Variants in ADGRV1 observed in about 807,000 individuals in gnomAD.
The protein encoded by ADGRV1 is adhesion G protein-coupled receptor V1, also known as G-protein coupled receptor 98.
ADGRV1 carries 359 observed loss-of-function variants against 596.2 expected under a neutral mutation model. That is an observed-to-expected ratio of 0.60 (90% confidence interval 0.55 to 0.66). The LOEUF (loss-of-function observed/expected upper bound fraction) is 0.66. ADGRV1 is among the 30% of genes least tolerant of loss of function. ADGRV1 has a pLI of 0.00. For synonymous variants in ADGRV1, 2,681 were observed against 2,679.2 expected (o/e 1.00, Z -0.02); for missense variants, 7,274 against 7,575.6 (o/e 0.96, Z 1.48).
chr5:90,575,646 G>C (rs1374312793), intron 1 of ADGRV1, among the ~76,000 whole-genome samples: 1 of 152,132 alleles, frequency 6.6e-6, no homozygotes, highest in African/African-American at 2.4e-5. Flanking sequence ...TCTCCACGAT[G>C]GCTTTGGGGA....
chr5:91,136,312 G>A (rs1794635699), intron 87 of ADGRV1, among the ~76,000 whole-genome samples: 1 of 152,098 alleles, frequency 6.6e-6, no homozygotes, highest in African/African-American at 2.4e-5. Flanking sequence ...GTGCCTTAAG[G>A]AAGGTGGTCA....
chr5:90,709,599 C>G (rs1749071239), intron 39 of ADGRV1, among the ~76,000 whole-genome samples: 1 of 152,188 alleles, frequency 6.6e-6, no homozygotes, highest in African/African-American at 2.4e-5. Context: ...GGAAGAGAAG[C>G]ATGGCCAGGA....
At chr5:91,086,880 C>T (rs1392863189) in intron 86 of ADGRV1, among the ~76,000 whole-genome samples, 1 of 152,194 alleles carries the variant, frequency 6.6e-6, no homozygotes, top group Non-Finnish European at 1.5e-5. Flanking sequence ...TAAAATGGCA[C>T]TCCATTTTTC....
rs1667400490 is a variant in ADGRV1 at position 90,627,442 on chromosome 5, T to C, written c.904T>C (p.Ser302Pro). ...NLIGSDEYEV[S>P]ISYAVTTGNS... ...GATTGGATCTGATGAATATGAGGTT[T>C]CAATCAGTTATGCTGTCACAACTGG... The change falls in exon 7 of 90, where the codon TCA (serine) becomes CCA (proline). Residue 302 changes from serine to proline, a missense_variant. Ser to Pro is a moderately conservative substitution (Grantham distance 74). This residue lies in a region of ADGRV1 where 1,715 missense variants were observed against 1,708.8 expected (regional missense o/e 1.00). Transcript: ENST00000405460. 6.2e-7 allele frequency: 1 copy of C among 1,613,942 alleles called. No homozygotes were observed. Among genetic ancestry groups the C allele is most frequent in the Non-Finnish European group, 8.5e-7 (1 of 1,179,830 alleles).
At chr5:90,717,398 A>G (rs945923079) in intron 43 of ADGRV1, 3 of 151,584 alleles carry the variant, frequency 2.0e-5, no homozygotes. Flanking sequence ...TAATAAAAAA[A>G]AAAGCAATTT....
At chr5:91,022,320 C>T (rs16869348) in intron 85 of ADGRV1, among the ~76,000 whole-genome samples, 2,228 of 151,990 alleles carry the variant, frequency 0.015, 49 homozygotes, top group African/African-American at 0.049. Context: ...GTGCTAAATC[C>T]GGACTTAGGC....
intron 55 of ADGRV1, among the ~76,000 whole-genome samples, chr5:90,755,891 G>A (rs1011494895): frequency 6.7e-6 from 1 of 149,850 alleles, no homozygotes; most frequent in African/African-American, 2.4e-5. Context: ...ACTAATAGTG[G>A]TATTAGTGGT....
intron 87 of ADGRV1, among the ~76,000 whole-genome samples, chr5:91,107,906 A>G (rs982325171): frequency 2.0e-5 from 3 of 152,220 alleles, no homozygotes; most frequent in South Asian, 4.1e-4. Flanking sequence ...ACATAATAGT[A>G]TATGTCACTG....
chr5:91,065,809 G>C (rs1447335561), intron 85 of ADGRV1, among the ~76,000 whole-genome samples: 2 of 152,172 alleles, frequency 1.3e-5, no homozygotes, highest in African/African-American at 4.8e-5. Flanking sequence ...ACTCAGAGGA[G>C]GAAAAACTGA....
chr5:90,872,832 C>T (rs1171257411), intron 83 of ADGRV1, among the ~76,000 whole-genome samples: 1 of 152,162 alleles, frequency 6.6e-6, no homozygotes, highest in Non-Finnish European at 1.5e-5. Context: ...TCCTTGGAGC[C>T]TAATAGCATG....
intron 87 of ADGRV1, among the ~76,000 whole-genome samples, chr5:91,144,324 G>C (rs1795354913): frequency 6.6e-6 from 1 of 152,170 alleles, no homozygotes; most frequent in Non-Finnish European, 1.5e-5. Flanking sequence ...TTTGTTTTTA[G>C]AGGCAGGGTC....
intron 85 of ADGRV1, among the ~76,000 whole-genome samples, chr5:91,004,270 G>A (rs1782086389): frequency 6.6e-6 from 1 of 152,060 alleles, no homozygotes; most frequent in African/African-American, 2.4e-5. Context: ...AGAACCTGAT[G>A]AACTGACTTT....
At chr5:90,709,078 A>T (rs145889613) in intron 39 of ADGRV1, among the ~76,000 whole-genome samples, 169 bp downstream of exon 39, 519 of 152,266 alleles carry the variant, frequency 3.4e-3, no homozygotes, top group African/African-American at 0.012. Context: ...TGCAATTTTT[A>T]CAATGAACAA....
In ADGRV1 at chr5:90,628,734, G is replaced by A; in HGVS notation, c.1411G>A (p.Val471Met). The stretch of plus-strand genomic sequence containing the variant: ...GATGTTGGCAACAATTCCTCTTACT[G>A]TGGTTGATGATGATCTTCCAGAAGA... ...GQMLATIPLT[V>M]VDDDLPEEAE... The change falls in exon 8 of 90, where the codon GTG becomes ATG. Residue 471 changes from valine to methionine, a missense_variant. By Grantham distance (21) the Val-to-Met change is conservative. This residue lies in a region of ADGRV1 where 1,715 missense variants were observed against 1,708.8 expected (regional missense o/e 1.00). Coordinates refer to ENST00000405460, the MANE Select transcript of ADGRV1 (RefSeq NM_032119.4). 6.2e-7 allele frequency: 1 copy of A among 1,613,982 alleles called. No homozygotes were observed. Among genetic ancestry groups the A allele is most frequent in the South Asian group, 1.1e-5 (1 of 91,086 alleles).
chr5:90,829,212 A>G lies in ADGRV1; in HGVS notation c.16611+26A>G, dbSNP rs10052400. On this transcript the variant is annotated intron_variant, in intron 77 of 89. Transcript: ENST00000405460. ...GTAAGCATGGAATATATATATTCATACACGTTATGGTTTTCTTCTTTAACT... is the reference window on the plus strand; with the variant it reads ...GTAAGCATGGAATATATATATTCATGCACGTTATGGTTTTCTTCTTTAACT... 2.4e-3 allele frequency: 3,452 copies of G among 1,423,308 alleles called. 68 individuals are homozygous for G. In the African/African-American group the frequency reaches 0.044, roughly 18 times the overall value. 88.2% of individuals were successfully genotyped at this position (1,423,308 alleles called of 1,614,324 possible).
At chr5:91,057,281 GA>G (rs575778199) in intron 85 of ADGRV1, among the ~76,000 whole-genome samples, 32 of 151,536 alleles carry the variant, frequency 2.1e-4, no homozygotes, top group Admixed American at 1.5e-3. Flanking sequence ...TTTGAAGAAA[GA>G]AAAAAAATAA....
rs148293204 is a variant in ADGRV1 at position 90,855,239 on chromosome 5, A to T, written c.17595-502A>T. Reference sequence around the variant, plus strand: ...AGGAAACACTTTTAAGAACCTTAGAAAACATACACATAAGTCACTCCAAAG... The same window carrying T: ...AGGAAACACTTTTAAGAACCTTAGATAACATACACATAAGTCACTCCAAAG... On this transcript the variant is annotated intron_variant, in intron 81 of 89. Transcript: ENST00000405460. 5.5e-3 allele frequency among the ~76,000 whole-genome samples: 835 copies of T among 152,326 alleles called. 5 individuals carry two copies. The highest frequency in any genetic ancestry group is 0.018 in the African/African-American group (749 of 41,578).
At chr5:90,665,919 C>T (rs1373676398) in intron 21 of ADGRV1, among the ~76,000 whole-genome samples, 31 of 148,738 alleles carry the variant, frequency 2.1e-4, no homozygotes, top group African/African-American at 6.4e-4. Context: ...TGTAGTTGAG[C>T]GGTTTTGAGT....
In ADGRV1 at chr5:90,812,497, T is replaced by C. The variant is rs114945248; in HGVS notation, c.16078+1159T>C. Among the ~76,000 whole-genome samples, 1,216 of 152,328 alleles carry C rather than the reference T, an allele frequency of 8.0e-3. 15 individuals carry two copies. The highest frequency in any genetic ancestry group is 0.028 in the African/African-American group (1,161 of 41,576). ...TATAGTGAGAATATTTCAAATTTACTATCTTAGAAACTTGGAAATGTACAG... is the reference window on the plus strand; with the variant it reads ...TATAGTGAGAATATTTCAAATTTACCATCTTAGAAACTTGGAAATGTACAG... On this transcript the variant is annotated intron_variant, in intron 74 of 89. Coordinates refer to ENST00000405460, the MANE Select transcript of ADGRV1 (RefSeq NM_032119.4).
Sources: allele counts gnomAD v4.1 joint callset (sites outside exome capture counted in the v4.1 genomes callset), GRCh38; gene constraint gnomAD v4.1.1; regional missense constraint gnomAD v4.1.1; transcripts MANE v1.5; gene names NCBI Gene and HGNC (gene_info 2026-07-23, HGNC 2026-07-21).